Variants in DCN observed in about 807,000 individuals in gnomAD.
The protein encoded by DCN is bone proteoglycan II.
DCN carries 17 observed loss-of-function variants against 36.5 expected under a neutral mutation model. The ratio of observed to expected loss-of-function variants is 0.47; its 90% CI spans 0.32 to 0.70. The LOEUF is 0.70. Ranked by LOEUF, DCN falls within the 30% of genes least tolerant of loss-of-function variation. DCN has a pLI of 0.04. For synonymous variants in DCN, 163 were observed against 161.4 expected (o/e 1.01, Z -0.07); for missense variants, 389 against 430.1 (o/e 0.90, Z 0.84).
At chr12:91,176,792 A>C (rs909356816) in intron 2 of DCN, 3 of 152,214 alleles carry the variant, frequency 2.0e-5, no homozygotes, top group Non-Finnish European at 4.4e-5. Context: ...TTTAATTCGC[A>C]TTACATTTTT....
intron 3 of DCN, among the ~76,000 whole-genome samples, chr12:91,159,482 A>G (rs1882022767): frequency 6.6e-6 from 1 of 152,074 alleles, no homozygotes; most frequent in Non-Finnish European, 1.5e-5. Context: ...TTGATCACCA[A>G]TACTTCTCAT....
intron 5 of DCN, among the ~76,000 whole-genome samples, chr12:91,154,487 A>G (rs1881632568): frequency 6.6e-6 from 1 of 152,094 alleles, no homozygotes; most frequent in African/African-American, 2.4e-5. Flanking sequence ...TGCTATCACA[A>G]CCATCGGCCT....
intron 2 of DCN, chr12:91,172,694 C>T (rs1391440249): frequency 2.9e-6 from 2 of 681,652 alleles, no homozygotes; most frequent in Non-Finnish European, 5.3e-6. Flanking sequence ...TTGCAGCTTG[C>T]TAGAGTCAAG....
At chr12:91,162,001 C>T (rs1212046712) in intron 3 of DCN, among the ~76,000 whole-genome samples, 5 of 150,498 alleles carry the variant, frequency 3.3e-5, no homozygotes, top group African/African-American at 1.2e-4. Flanking sequence ...AGTGCAGTGG[C>T]GTGATCTCGA....
intron 7 of DCN, among the ~76,000 whole-genome samples, chr12:91,148,064 C>A (rs1365370991): frequency 2.7e-5 from 4 of 150,046 alleles, no homozygotes; most frequent in African/African-American, 9.9e-5. Flanking sequence ...AACACTAAGA[C>A]AACAAGGTCT....
At chr12:91,164,328 GCACAATGT>G (rs1882360342) in intron 3 of DCN, among the ~76,000 whole-genome samples, 3 of 137,642 alleles carry the variant, frequency 2.2e-5, no homozygotes, top group Non-Finnish European at 4.5e-5. Flanking sequence ...TAACTAACCT[GCACAATGT>G]GCACATGTAC....
At position 91,141,940 on chromosome 12, in the gene DCN, C is replaced by A. The variant is rs1880766354; in HGVS notation, c.*4118G>T. 6.6e-6 allele frequency: 1 copy of A among 152,142 alleles called. No individual in the cohort carries two copies. The highest frequency in any genetic ancestry group is 1.5e-5 in the Non-Finnish European group (1 of 68,026). 9.4% of individuals were successfully genotyped at this position (152,142 alleles called of 1,614,324 possible). On this transcript the variant is annotated 3_prime_UTR_variant, in exon 8 of 8. Coordinates refer to ENST00000052754, the MANE Select transcript of DCN (RefSeq NM_001920.5). ...TTTCTTTTGGCTCAAAATTGTTCAACTTCTTTGAAGGTTGTTTTAGTTTCC... is the reference window on the plus strand; with the variant it reads ...TTTCTTTTGGCTCAAAATTGTTCAAATTCTTTGAAGGTTGTTTTAGTTTCC...
chr12:91,164,330 A>G (rs1421231717), intron 3 of DCN, among the ~76,000 whole-genome samples: 2 of 150,180 alleles, frequency 1.3e-5, no homozygotes, highest in Non-Finnish European at 3.0e-5. Flanking sequence ...ACTAACCTGC[A>G]CAATGTGCAC....
intron 2 of DCN, 50 bp downstream of exon 2, chr12:91,178,292 C>A (rs1883416838): frequency 2.0e-6 from 3 of 1,527,660 alleles, no homozygotes; most frequent in Non-Finnish European, 2.7e-6. Flanking sequence ...GTTGCCATTC[C>A]CAAGAATAAA....
At position 91,175,983 on chromosome 12, in the gene DCN, T is replaced by A. The variant is rs1251397467; in HGVS notation, c.211+2359A>T. 3 of 152,238 alleles carry A rather than the reference T, an allele frequency of 2.0e-5. No individual in the cohort carries two copies. In the South Asian group the frequency reaches 6.2e-4, roughly 32 times the overall value. The allele number at this position is 152,238 out of a possible 1,614,324, so 9.4% of individuals were successfully genotyped here. A position where few individuals can be genotyped will look rare whatever the true frequency, so the allele number is the denominator to read the frequency against. On this transcript the variant is annotated intron_variant, in intron 2 of 7. Transcript: ENST00000052754. ...GGTACCTCACACGATTAATAGGATT[T>A]CTAAGACTGTGATTTTTCTGCAGAT... is the stretch of plus-strand genomic sequence containing the variant.
rs780010356 is a variant in DCN, at chr12:91,178,437, T to C, written c.116A>G (p.Glu39Gly). 6.2e-7 allele frequency: 1 copy of C among 1,613,898 alleles called. No homozygotes were observed. Among genetic ancestry groups the C allele is most frequent in the South Asian group, 1.1e-5 (1 of 91,066 alleles). Reference protein sequence around the residue: ...LEDEASGIGPEVPDDRDFEPS... With the variant: ...LEDEASGIGPGVPDDRDFEPS... ...CTCGAAGTCGCGGTCATCAGGAACT[T>C]CTGGGCCTATCCCAGAAGCCTCATC... Residue 39 changes from glutamate to glycine, a missense_variant, in exon 2 of 8, where the codon GAA becomes GGA. Transcript: ENST00000052754.
chr12:91,143,452 T>G lies in DCN; in HGVS notation c.*2606A>C, dbSNP rs1880821503. The G allele has an allele frequency of 6.6e-6, 1 of 152,164 alleles. No individual in the cohort carries two copies. Among genetic ancestry groups the G allele is most frequent in the Non-Finnish European group, 1.5e-5 (1 of 68,016 alleles). The allele number at this position is 152,164 out of a possible 1,614,324, so 9.4% of individuals were successfully genotyped here. A position where few individuals can be genotyped will look rare whatever the true frequency, so the allele number is the denominator to read the frequency against. ...GCAGCAGCATTCCTGGAAGTTTGTTTGAAATGCAGAATCTCAGACCTCGAT... is the reference window on the plus strand; with the variant it reads ...GCAGCAGCATTCCTGGAAGTTTGTTGGAAATGCAGAATCTCAGACCTCGAT... On this transcript the variant is annotated 3_prime_UTR_variant, in exon 8 of 8. Coordinates refer to ENST00000052754, the MANE Select transcript of DCN (RefSeq NM_001920.5).
chr12:91,163,276 C>G (rs1015135492), intron 3 of DCN, among the ~76,000 whole-genome samples: 1 of 152,164 alleles, frequency 6.6e-6, no homozygotes, highest in Non-Finnish European at 1.5e-5. Flanking sequence ...GGTCATTTCC[C>G]TTGTATAGCA....
chr12:91,156,562 C>T (rs1881784646), intron 5 of DCN, among the ~76,000 whole-genome samples: 2 of 152,072 alleles, frequency 1.3e-5, no homozygotes, highest in African/African-American at 4.8e-5. Context: ...AATCTACACT[C>T]TTCACAACAC....
Position 91,141,023 on chromosome 12 carries a change from C to G in DCN, c.*5035G>C, listed in dbSNP as rs1203965267. ...CTATTATCCAGGTCAAAGTCTTCAT[C>G]ATCTCTCACCTGATTATTGCACTAG... is the stretch of plus-strand genomic sequence containing the variant. On this transcript the variant is annotated 3_prime_UTR_variant, in exon 8 of 8. Coordinates refer to ENST00000052754, the MANE Select transcript of DCN (RefSeq NM_001920.5). 1 of 152,246 alleles carries G rather than the reference C, an allele frequency of 6.6e-6. No homozygotes were observed. The highest frequency in any genetic ancestry group is 1.5e-5 in the Non-Finnish European group (1 of 68,102). 9.4% of individuals were successfully genotyped at this position (152,246 alleles called of 1,614,324 possible). A position where few individuals can be genotyped will look rare whatever the true frequency, so the allele number is the denominator to read the frequency against.
At chr12:91,174,841 G>C (rs575351126) in intron 2 of DCN, among the ~76,000 whole-genome samples, 1 of 152,150 alleles carries the variant, frequency 6.6e-6, no homozygotes, top group Non-Finnish European at 1.5e-5. Flanking sequence ...CTAGTCAAAA[G>C]ACAATACTTG....
chr12:91,158,844 C>T (rs867375125), intron 3 of DCN, among the ~76,000 whole-genome samples: 5 of 151,946 alleles, frequency 3.3e-5, no homozygotes, highest in Non-Finnish European at 7.4e-5. Flanking sequence ...TGCCGGTAGT[C>T]CCGGCTACTT....
chr12:91,177,313 T>C (rs1002936346), intron 2 of DCN: 1 of 473,376 alleles, frequency 2.1e-6, no homozygotes, highest in Admixed American at 3.8e-5. Flanking sequence ...ATTCCAATTG[T>C]AGAAGTTGCA....
chr12:91,149,464 A>G (rs1307798302), intron 7 of DCN, among the ~76,000 whole-genome samples: 1 of 152,214 alleles, frequency 6.6e-6, no homozygotes, highest in Non-Finnish European at 1.5e-5. Flanking sequence ...GATAAAGAGC[A>G]TCTATAGAAG....
Sources: allele counts gnomAD v4.1 joint callset (sites outside exome capture counted in the v4.1 genomes callset), GRCh38; gene constraint gnomAD v4.1.1; transcripts MANE v1.5; gene names NCBI Gene and HGNC (gene_info 2026-07-23, HGNC 2026-07-21).